The following RAPGEF2 variants were observed in gnomAD, a reference collection of about 807,000 sequenced individuals.
RAPGEF2 encodes the protein Rap guanine nucleotide exchange factor 2.
A neutral mutation model predicts 186.7 loss-of-function variants in RAPGEF2; 54 were observed. The observed-to-expected ratio is 0.29, with a 90% CI of 0.23 to 0.36. The LOEUF is 0.36. RAPGEF2 is among the 10% of genes least tolerant of loss of function. The pLI is 1.00. For synonymous variants in RAPGEF2, 712 were observed against 705.9 expected (o/e 1.01, Z -0.14); for missense variants, 1,532 against 2,045.0 (o/e 0.75, Z 4.84).
intron 4 of RAPGEF2, among the ~76,000 whole-genome samples, chr4:159,229,752 CA>C: frequency 6.6e-6 from 1 of 152,168 alleles, no homozygotes; most frequent in Non-Finnish European, 1.5e-5. Context: ...AAAACTTCAG[CA>C]AAAAATTTAA....
chr4:159,228,802 T>C (rs1241738585), intron 4 of RAPGEF2, among the ~76,000 whole-genome samples: 1 of 152,240 alleles, frequency 6.6e-6, no homozygotes, highest in East Asian at 1.9e-4. Flanking sequence ...CTTCTTAAAC[T>C]AATGAGTCAA....
At chr4:159,323,989 T>C (rs1470642616) in intron 11 of RAPGEF2, among the ~76,000 whole-genome samples, 1 of 151,934 alleles carries the variant, frequency 6.6e-6, no homozygotes, top group Non-Finnish European at 1.5e-5. Flanking sequence ...CTCCACCTCC[T>C]GGGTTCAAGC....
intron 1 of RAPGEF2, among the ~76,000 whole-genome samples, chr4:159,109,587 A>G (rs1428541262): frequency 6.6e-6 from 1 of 152,180 alleles, no homozygotes; most frequent in East Asian, 1.9e-4. Context: ...AGGCCTTGGG[A>G]ATTCAAAGAT....
intron 1 of RAPGEF2, among the ~76,000 whole-genome samples, chr4:159,113,631 A>G (rs1223903418): frequency 6.6e-6 from 1 of 151,356 alleles, no homozygotes; most frequent in Non-Finnish European, 1.5e-5. Flanking sequence ...AATTCCAGCT[A>G]CTTGGGAGGC....
intron 29 of RAPGEF2, 26 bp from the exon 30 acceptor site, chr4:159,358,088 C>G (rs947980068): frequency 6.2e-7 from 1 of 1,608,288 alleles, no homozygotes; most frequent in Non-Finnish European, 8.5e-7. Flanking sequence ...TCATTGATTT[C>G]TTTTTCTTCC....
intron 7 of RAPGEF2, among the ~76,000 whole-genome samples, chr4:159,274,674 A>G (rs1178288398): frequency 6.6e-6 from 1 of 152,176 alleles, no homozygotes. Context: ...ATATTTCCAT[A>G]TAGTATTAAG....
Position 159,157,012 on chromosome 4 carries a change from G to A in RAPGEF2, c.70-29630G>A, listed in dbSNP as rs777116353. 5.3e-5 allele frequency among the ~76,000 whole-genome samples: 8 copies of A among 152,080 alleles called. No individual in the cohort carries two copies. The South Asian group carries it at 1.4e-3, about 28-fold the overall frequency. On this transcript the variant is annotated intron_variant, in intron 1 of 29. Coordinates refer to ENST00000691494, the MANE Select transcript of RAPGEF2 (RefSeq NM_001394067.2). Reference sequence around the variant, plus strand: ...CTCAGGAATATGTATTATTTAAGAAGCTCAGTGACTCCAGTGCTCAATTTA... The same window carrying A: ...CTCAGGAATATGTATTATTTAAGAAACTCAGTGACTCCAGTGCTCAATTTA...
Position 159,348,242 on chromosome 4 carries a change from A to AGATAGATAGATG in RAPGEF2, c.3712+1247_3712+1248insAGATAGATGGAT, listed in dbSNP as rs544061786. On this transcript the variant is annotated intron_variant, in intron 25 of 29. Transcript: ENST00000691494. ...TCGATAGATAGATAGATAGATAGAT[A>AGATAGATAGATG]GATGGATGGATGGATGGATGGATGG... 2.5e-3 allele frequency among the ~76,000 whole-genome samples: 367 copies of AGATAGATAGATG among 145,056 alleles called. 1 individual carries two copies. Among genetic ancestry groups the AGATAGATAGATG allele is most frequent in the African/African-American group, 9.0e-3 (324 of 36,182 alleles).
chr4:159,256,194 A>G (rs992130621), intron 7 of RAPGEF2, among the ~76,000 whole-genome samples: 2 of 152,154 alleles, frequency 1.3e-5, no homozygotes, highest in East Asian at 1.9e-4. Flanking sequence ...AAGCCCATGT[A>G]TTAGCTTTAT....
rs111846489 is a variant in RAPGEF2 at position 159,343,396 on chromosome 4, C to G, written c.3246C>G (p.Phe1082Leu). ...TGAACATGGACCCTGCCCTCATGTT[C>G]AGGACTCGGTGAGTATGTCATCTTC... Reference protein sequence around the residue: ...ASVNMDPALMFRTRKKKWRSL... With the variant: ...ASVNMDPALMLRTRKKKWRSL... The change falls in exon 22 of 30, where the codon TTC becomes TTG. Residue 1082 changes from phenylalanine (F) to leucine (L), a missense_variant. This residue lies in a region of RAPGEF2 where 117 missense variants were observed against 180.8 expected (regional missense o/e 0.65). Transcript: ENST00000691494. 6.2e-7 allele frequency: 1 copy of G among 1,613,946 alleles called. No homozygotes were observed.
rs143273638 is a variant in RAPGEF2 at position 159,170,308 on chromosome 4, C to T, written c.70-16334C>T. 2.7e-3 allele frequency among the ~76,000 whole-genome samples: 415 copies of T among 152,150 alleles called. 1 individual carries two copies. Among genetic ancestry groups the T allele is most frequent in the African/African-American group, 9.4e-3 (389 of 41,486 alleles). On this transcript the variant is annotated intron_variant, in intron 1 of 29. Transcript: ENST00000691494. ...CTTATATATTTTGTATATTAACCCC[C>T]TATCAGGTGTATGGTTTGCAAATAC...
At chr4:159,218,073 G>T (rs1751150488) in intron 4 of RAPGEF2, among the ~76,000 whole-genome samples, 1 of 152,238 alleles carries the variant, frequency 6.6e-6, no homozygotes, top group Non-Finnish European at 1.5e-5. Flanking sequence ...GCCTTAAGGA[G>T]TATGGCATTT....
chr4:159,115,374 A>G (rs975541442), intron 1 of RAPGEF2, among the ~76,000 whole-genome samples: 3 of 152,240 alleles, frequency 2.0e-5, no homozygotes, highest in African/African-American at 7.2e-5. Flanking sequence ...ATTTTAAATA[A>G]TAAGTTGCAT....
At chr4:159,137,183 T>G (rs752306207) in intron 1 of RAPGEF2, among the ~76,000 whole-genome samples, 5 of 152,180 alleles carry the variant, frequency 3.3e-5, no homozygotes, top group Admixed American at 2.6e-4. Context: ...CATAACCAAA[T>G]ACCATAGACA....
intron 3 of RAPGEF2, among the ~76,000 whole-genome samples, chr4:159,203,207 T>G (rs1749632827): frequency 6.6e-6 from 1 of 152,146 alleles, no homozygotes; most frequent in Non-Finnish European, 1.5e-5. Context: ...GGCTCTTAGA[T>G]CCTGGCTCCA....
At chr4:159,284,779 C>T (rs938555634) in intron 7 of RAPGEF2, among the ~76,000 whole-genome samples, 2 of 152,188 alleles carry the variant, frequency 1.3e-5, no homozygotes, top group Admixed American at 6.5e-5. Flanking sequence ...TACCTGGGTG[C>T]GGTGGCTTCA....
chr4:159,255,369 T>TA (rs1756031491), intron 7 of RAPGEF2, among the ~76,000 whole-genome samples: 6 of 152,026 alleles, frequency 3.9e-5, no homozygotes, highest in Middle Eastern at 6.8e-3. Context: ...TTTTTTTTTT[T>TA]AACTGGTGCC....
At chr4:159,330,049 T>G in intron 12 of RAPGEF2, 39 bp downstream of exon 12, 1 of 1,574,362 alleles carries the variant, frequency 6.4e-7, no homozygotes, top group Non-Finnish European at 8.6e-7. Context: ...GAAAGGAATT[T>G]TTTTTGGTAG....
intron 1 of RAPGEF2, among the ~76,000 whole-genome samples, chr4:159,104,516 G>GAC (rs1288879598): frequency 1.1e-4 from 14 of 131,112 alleles, no homozygotes; most frequent in Admixed American, 3.8e-4. Context: ...GAGAGAGAGA[G>GAC]AGAGAGAGAG....
Sources: allele counts gnomAD v4.1 joint callset (sites outside exome capture counted in the v4.1 genomes callset), GRCh38; gene constraint gnomAD v4.1.1; regional missense constraint gnomAD v4.1.1; transcripts MANE v1.5; gene names NCBI Gene and HGNC (gene_info 2026-07-23, HGNC 2026-07-21).